The following CEP126 variants were observed in gnomAD, a reference collection of about 807,000 sequenced individuals.
CEP126 encodes the protein centrosomal protein of 126 kDa.
In CEP126, 74 loss-of-function variants were observed where a neutral mutation model predicts 107.8. The ratio of observed to expected loss-of-function variants is 0.69; its 90% CI spans 0.57 to 0.83. The LOEUF (loss-of-function observed/expected upper bound fraction) is 0.83. Among genes scored for constraint, CEP126 ranks in the 40% least tolerant of loss-of-function variants. CEP126 has a pLI of 0.00. For missense variants in CEP126, 1,237 were observed against 1,281.9 expected, an observed-to-expected ratio of 0.96 and a Z score of 0.53; for synonymous variants, 449 against 446.0, an observed-to-expected ratio of 1.01 and a Z score of -0.08.
chr11:101,915,780 A>G (rs1018255247), intron 1 of CEP126, among the ~76,000 whole-genome samples: 5 of 152,236 alleles, frequency 3.3e-5, no homozygotes, highest in African/African-American at 1.2e-4. Context: ...GAGAAATTAC[A>G]CAAATAAGTA....
intron 2 of CEP126, 99 bp from the exon 3 acceptor site, chr11:101,944,166 G>A: frequency 1.8e-6 from 2 of 1,112,364 alleles, no homozygotes; most frequent in Non-Finnish European, 2.4e-6. Context: ...ATAAAATTTT[G>A]AAATATGAAA....
chr11:101,936,044 C>T (rs1364383332), intron 2 of CEP126, among the ~76,000 whole-genome samples: 1 of 152,034 alleles, frequency 6.6e-6, no homozygotes, highest in Non-Finnish European at 1.5e-5. Flanking sequence ...TTACTTTTCC[C>T]TATAAATAAA....
intron 2 of CEP126, among the ~76,000 whole-genome samples, chr11:101,934,060 C>A (rs576719977): frequency 6.6e-6 from 1 of 152,060 alleles, no homozygotes; most frequent in Non-Finnish European, 1.5e-5. Context: ...GTATCATCTT[C>A]GCTCTTTGTT....
chr11:101,922,033 C>A (rs1428027263), intron 1 of CEP126, among the ~76,000 whole-genome samples: 10 of 152,064 alleles, frequency 6.6e-5, no homozygotes, highest in Non-Finnish European at 5.9e-5. Context: ...GATCCACCCG[C>A]CTCAGCCTCC....
rs1320194858 is a variant in CEP126, at chr11:101,963,611, C to T, written c.2576C>T (p.Ser859Phe). The change falls in exon 6 of 11, where the codon TCT becomes TTT. Residue 859 changes from serine to phenylalanine, a missense_variant. Transcript: ENST00000263468. Reference sequence around the variant, plus strand: ...AATCAGTGGAATCAGGAAAGTAGTTCTCCACTCTCAAATGCTTGTTCTGAC... The same window carrying T: ...AATCAGTGGAATCAGGAAAGTAGTTTTCCACTCTCAAATGCTTGTTCTGAC... ...SLNQWNQESS[S>F]PLSNACSDLV... 6.2e-7 allele frequency: 1 copy of T among 1,614,056 alleles called. No homozygotes were observed. Among genetic ancestry groups the T allele is most frequent in the Admixed American group, 1.7e-5 (1 of 60,012 alleles).
chr11:101,975,954 C>T (rs1468660720), intron 6 of CEP126, among the ~76,000 whole-genome samples: 7 of 152,102 alleles, frequency 4.6e-5, no homozygotes, highest in Admixed American at 2.6e-4. Flanking sequence ...ATGTTGTATA[C>T]GTACCACATT....
Position 101,947,192 on chromosome 11 carries a change from G to A in CEP126, c.395-839G>A, listed in dbSNP as rs115780090. On this transcript the variant is annotated intron_variant, in intron 3 of 10. Coordinates refer to ENST00000263468, the MANE Select transcript of CEP126 (RefSeq NM_020802.4). ...TGTTGGTGTTTTAAAGGAGAAAAGA[G>A]GAAGATAGTTTGGAAGTACCCACGA... Among the ~76,000 whole-genome samples the A allele has an allele frequency of 4.4e-3, 669 of 152,216 alleles. 5 individuals carry two copies. The highest frequency in any genetic ancestry group is 0.015 in the African/African-American group (643 of 41,512).
In CEP126 at chr11:101,986,772, A is replaced by G. The variant is rs1002589603; in HGVS notation, c.3035-60A>G. ...CATGTATAAGTATATGTAAGTATAT[A>G]TAAGGGCTGATCTCAAAGACAAAAG... is the stretch of plus-strand genomic sequence containing the variant. On this transcript the variant is annotated intron_variant, in intron 8 of 10. Transcript: ENST00000263468. 7.0e-5 allele frequency: 86 copies of G among 1,232,492 alleles called. 1 individual carries two copies. In the South Asian group the frequency reaches 9.8e-4, roughly 14 times the overall value. The allele number at this position is 1,232,492 out of a possible 1,614,324, so 76.3% of individuals were successfully genotyped here.
chr11:101,956,313 C>T (rs528748477), intron 4 of CEP126: 2 of 456,334 alleles, frequency 4.4e-6, no homozygotes, highest in African/African-American at 4.0e-5. Flanking sequence ...GTTTTGAAGC[C>T]TTCCTGTTTA....
intron 2 of CEP126, among the ~76,000 whole-genome samples, chr11:101,943,553 C>G (rs1049192540): frequency 9.3e-5 from 14 of 150,886 alleles, no homozygotes; most frequent in Admixed American, 6.6e-5. Context: ...CATACACACA[C>G]ACACACACAG....
At chr11:101,986,485 T>A (rs1309832029) in intron 8 of CEP126, among the ~76,000 whole-genome samples, 1 of 152,182 alleles carries the variant, frequency 6.6e-6, no homozygotes, top group Non-Finnish European at 1.5e-5. Flanking sequence ...TAACTACTAT[T>A]ATAAAGACAG....
At position 101,915,110 on chromosome 11, in the gene CEP126, C is replaced by A; in HGVS notation, c.-175C>A. The A allele has an allele frequency of 2.1e-6, 2 of 944,686 alleles. No individual in the cohort carries two copies. Among genetic ancestry groups the A allele is most frequent in the Non-Finnish European group, 3.0e-6 (2 of 660,244 alleles). 58.5% of individuals were successfully genotyped at this position (944,686 alleles called of 1,614,324 possible). A position where few individuals can be genotyped will look rare whatever the true frequency, so the allele number is the denominator to read the frequency against. On this transcript the variant is annotated 5_prime_UTR_variant, in exon 1 of 11. Transcript: ENST00000263468. ...GCTGCCTCAGCTGCCATCGCCGCTA[C>A]AGGCACCAGTGCCGCTGCGCGGGAG...
At chr11:101,951,958 G>A (rs1426085212) in intron 4 of CEP126, among the ~76,000 whole-genome samples, 1 of 152,202 alleles carries the variant, frequency 6.6e-6, no homozygotes, top group Admixed American at 6.5e-5. Context: ...TCTTACATAT[G>A]CAGGTATTCC....
Position 101,997,864 on chromosome 11 carries a change from C to T in CEP126, c.*221C>T, listed in dbSNP as rs145146861. On this transcript the variant is annotated 3_prime_UTR_variant, in exon 11 of 11. Coordinates refer to ENST00000263468, the MANE Select transcript of CEP126 (RefSeq NM_020802.4). Reference sequence around the variant, plus strand: ...TGAGAATACCATGAAAGACATTATGCCTGCCTAAACAAAAAGCAGGACATA... The same window carrying T: ...TGAGAATACCATGAAAGACATTATGTCTGCCTAAACAAAAAGCAGGACATA... 1 of 540,730 alleles carries T rather than the reference C, an allele frequency of 1.8e-6. No individual in the cohort carries two copies. Among genetic ancestry groups the T allele is most frequent in the Non-Finnish European group, 3.2e-6 (1 of 310,008 alleles). The allele number at this position is 540,730 out of a possible 1,614,324, so 33.5% of individuals were successfully genotyped here.
chr11:101,945,464 A>C (rs375607495), intron 3 of CEP126, among the ~76,000 whole-genome samples: 1 of 152,196 alleles, frequency 6.6e-6, no homozygotes. Flanking sequence ...CAGTCCACTT[A>C]CAGTTTTTTT....
At chr11:101,925,781 A>G (rs193147756) in intron 2 of CEP126, among the ~76,000 whole-genome samples, 1,426 of 109,960 alleles carry the variant, frequency 0.013, 43 homozygotes, top group African/African-American at 0.046. Context: ...CAGCCTCCCA[A>G]GTAGCTGGGA....
chr11:101,923,507 T>C (rs1239860502), intron 2 of CEP126, among the ~76,000 whole-genome samples: 2 of 152,222 alleles, frequency 1.3e-5, no homozygotes, highest in Non-Finnish European at 2.9e-5. Flanking sequence ...TAGACTTTAT[T>C]AACTACATCA....
chr11:101,993,242 G>A (rs933920469), intron 10 of CEP126, among the ~76,000 whole-genome samples: 1 of 152,112 alleles, frequency 6.6e-6, no homozygotes, highest in South Asian at 2.1e-4. Flanking sequence ...CCCAGTGTCT[G>A]TTGTTCCCGT....
At chr11:101,944,181 T>C (rs1045651054) in intron 2 of CEP126, 84 bp from the exon 3 acceptor site, 2 of 1,228,638 alleles carry the variant, frequency 1.6e-6, no homozygotes, top group Admixed American at 3.0e-5. Flanking sequence ...ATGAAAACAT[T>C]GTTATATAAT....
Sources: gnomAD v4.1 joint callset for allele counts (sites outside exome capture counted in the v4.1 genomes callset) on GRCh38, gnomAD v4.1.1 for gene constraint, MANE v1.5 for transcripts, NCBI Gene and HGNC (gene_info 2026-07-23, HGNC 2026-07-21) for gene names.